The following GLIS3 variants were observed in gnomAD, a reference collection of about 807,000 sequenced individuals.
GLIS3 encodes the protein GLIS family zinc finger 3, also known as zinc finger protein GLIS3.
A neutral mutation model predicts 78.6 loss-of-function variants in GLIS3; 53 were observed. The observed-to-expected ratio is 0.67, with a 90% confidence interval of 0.54 to 0.85. The LOEUF (loss-of-function observed/expected upper bound fraction) is 0.85, where lower values mean the gene tolerates loss of function less well. Among genes scored for constraint, GLIS3 ranks in the 40% least tolerant of loss-of-function variants. The pLI is 0.00. For synonymous variants in GLIS3, 684 were observed against 509.9 expected (o/e 1.34, Z -4.60); for missense variants, 1,703 against 1,231.1 (o/e 1.38, Z -5.74).
chr9:4,390,548 T>A, the GLIS3 span, among the ~76,000 whole-genome samples: 2 of 152,160 alleles, frequency 1.3e-5, no homozygotes, highest in Non-Finnish European at 2.9e-5. Flanking sequence ...ATAAACTTCA[T>A]AAACTGCAAG....
At position 3,995,932 on chromosome 9, in the gene GLIS3, G is replaced by A. The variant is rs538818885; in HGVS notation, c.1711-58743C>T. Among the ~76,000 whole-genome samples the A allele has an allele frequency of 3.6e-4, 54 of 152,014 alleles. 1 individual carries two copies. The highest frequency in any genetic ancestry group is 1.2e-3 in the African/African-American group (51 of 41,488). On this transcript the variant is annotated intron_variant, in intron 4 of 10. Coordinates refer to ENST00000381971, the MANE Select transcript of GLIS3 (RefSeq NM_001042413.2). Reference sequence around the variant, plus strand: ...ATAAGAACTTTCCTGAATTCAAAAAGACACAATAATTTTAGGTTTTAGGAA... The same window carrying A: ...ATAAGAACTTTCCTGAATTCAAAAAAACACAATAATTTTAGGTTTTAGGAA...
At chr9:3,846,415 G>GC (rs1211976489) in intron 9 of GLIS3, among the ~76,000 whole-genome samples, 3 of 152,136 alleles carry the variant, frequency 2.0e-5, no homozygotes, top group Non-Finnish European at 2.9e-5. Context: ...CTTGCTCAGA[G>GC]CACCAGGTAT....
intron 4 of GLIS3, among the ~76,000 whole-genome samples, chr9:4,083,979 T>C (rs1828776622): frequency 6.6e-6 from 1 of 152,196 alleles, no homozygotes; most frequent in South Asian, 2.1e-4. Flanking sequence ...TTTACACTAT[T>C]GCAGATGACT....
chr9:3,850,746 C>G (rs1477865362), intron 9 of GLIS3, among the ~76,000 whole-genome samples: 1 of 152,178 alleles, frequency 6.6e-6, no homozygotes, highest in Non-Finnish European at 1.5e-5. Flanking sequence ...CTCCTCTACT[C>G]CACACCTTAA....
chr9:4,108,852 C>T (rs913850349), intron 4 of GLIS3, among the ~76,000 whole-genome samples: 1 of 152,138 alleles, frequency 6.6e-6, no homozygotes, highest in African/African-American at 2.4e-5. Flanking sequence ...AGTCCACTGA[C>T]CTGGGCCTTC....
In GLIS3 at chr9:4,262,137, CG is replaced by C. The variant is rs1315905780; in HGVS notation, c.388+23900del. On this transcript the variant is annotated intron_variant, in intron 2 of 10. Transcript: ENST00000381971. ...GAACTATGTGACTGAAGAGTGCTCT[CG>C]GATCTGGGAGCCATAGTGCAGTGCA... is the stretch of plus-strand genomic sequence containing the variant. Among the ~76,000 whole-genome samples the C allele has an allele frequency of 2.0e-5, 3 of 151,884 alleles. No individual in the cohort carries two copies. The East Asian group carries it at 5.8e-4, about 29-fold the overall frequency.
chr9:4,442,818 C>T, the GLIS3 span, among the ~76,000 whole-genome samples: 4 of 151,454 alleles, frequency 2.6e-5, no homozygotes, highest in African/African-American at 4.8e-5. Context: ...CATTTTTTTT[C>T]TCCCTCTTCG....
the GLIS3 span, among the ~76,000 whole-genome samples, chr9:4,465,652 A>G: frequency 6.6e-6 from 1 of 152,266 alleles, no homozygotes; most frequent in Admixed American, 6.5e-5. Flanking sequence ...CCCATTCCCC[A>G]TGATGTGCTT....
chr9:4,104,712 T>C (rs541180310), intron 4 of GLIS3, among the ~76,000 whole-genome samples: 42 of 152,302 alleles, frequency 2.8e-4, no homozygotes, highest in African/African-American at 9.6e-4. Context: ...TAGAACACAC[T>C]TGGCCAACAC....
intron 4 of GLIS3, among the ~76,000 whole-genome samples, chr9:4,000,634 G>T (rs756359725): frequency 6.6e-6 from 1 of 152,124 alleles, no homozygotes; most frequent in African/African-American, 2.4e-5. Context: ...AGCTTCTAGT[G>T]GCCCCCTGCT....
chr9:3,848,463 C>T (rs1247669053), intron 9 of GLIS3, among the ~76,000 whole-genome samples: 4 of 152,216 alleles, frequency 2.6e-5, no homozygotes, highest in African/African-American at 7.2e-5. Context: ...GATCGCCCCA[C>T]TGCACTCCAG....
At chr9:3,845,382 A>G (rs1053447333) in intron 9 of GLIS3, among the ~76,000 whole-genome samples, 8 of 152,180 alleles carry the variant, frequency 5.3e-5, no homozygotes, top group Non-Finnish European at 7.3e-5. Context: ...AGACACAGTT[A>G]TGTCTCCTTC....
chr9:4,324,321 G>C (rs1817573212), intron 2 of GLIS3, among the ~76,000 whole-genome samples: 2 of 152,176 alleles, frequency 1.3e-5, no homozygotes, highest in African/African-American at 2.4e-5. Context: ...ATGTGGAGTT[G>C]TGACCCTTGC....
chr9:4,385,800 AGAAAGAAAGAAAAGAAAGAAAG>A, the GLIS3 span, among the ~76,000 whole-genome samples: 2 of 74,884 alleles, frequency 2.7e-5, no homozygotes, highest in Non-Finnish European at 5.2e-5. Context: ...AAAGAAAGAA[AGAAAGAAAGAAAAGAAAGAAAG>A]AGAAAAGAAA....
the GLIS3 span, among the ~76,000 whole-genome samples, chr9:4,362,098 C>T: frequency 6.6e-6 from 1 of 152,226 alleles, no homozygotes; most frequent in Non-Finnish European, 1.5e-5. Flanking sequence ...TGCTCACCAG[C>T]TCCCCGCAAG....
chr9:4,207,695 G>C (rs967439660), intron 2 of GLIS3, among the ~76,000 whole-genome samples: 1 of 152,160 alleles, frequency 6.6e-6, no homozygotes, highest in Non-Finnish European at 1.5e-5. Flanking sequence ...AAAAAAGCAG[G>C]AGAGAGAGGA....
chr9:4,402,362 C>G, the GLIS3 span, among the ~76,000 whole-genome samples: 1 of 152,182 alleles, frequency 6.6e-6, no homozygotes, highest in Non-Finnish European at 1.5e-5. Flanking sequence ...CAGGCATAAA[C>G]AGGTCCAGAC....
chr9:4,110,666 C>G (rs1831134612), intron 4 of GLIS3, among the ~76,000 whole-genome samples: 1 of 152,132 alleles, frequency 6.6e-6, no homozygotes, highest in Admixed American at 6.5e-5. Flanking sequence ...GACGTAAAAT[C>G]AAGCCTTCCC....
intron 2 of GLIS3, among the ~76,000 whole-genome samples, chr9:4,319,692 G>C (rs1311166722): frequency 6.6e-6 from 1 of 152,028 alleles, no homozygotes; most frequent in East Asian, 1.9e-4. Context: ...ACCACGCCTG[G>C]CTAATTTTAT....
Sources: allele counts gnomAD v4.1 joint callset (sites outside exome capture counted in the v4.1 genomes callset), GRCh38; gene constraint gnomAD v4.1.1; transcripts MANE v1.5; gene names NCBI Gene and HGNC (gene_info 2026-07-23, HGNC 2026-07-21).